The following PLA2R1 variants were observed in gnomAD, a reference collection of about 807,000 sequenced individuals.
PLA2R1 encodes phospholipase A2 receptor 1.
In PLA2R1, 158 loss-of-function variants were observed where a neutral mutation model predicts 195.9. That is an observed-to-expected ratio of 0.81 (90% CI 0.71 to 0.92). The LOEUF (loss-of-function observed/expected upper bound fraction) is 0.92, where lower values mean the gene tolerates loss of function less well. Ranked by LOEUF, PLA2R1 falls within the 40% of genes least tolerant of loss-of-function variation. PLA2R1 has a pLI of 0.00. For synonymous variants in PLA2R1, 586 were observed against 598.2 expected, an observed-to-expected ratio of 0.98 and a Z score of 0.30; for missense variants, 1,626 against 1,764.6, an observed-to-expected ratio of 0.92 and a Z score of 1.41.
At position 160,013,256 on chromosome 2, in the gene PLA2R1, A is replaced by G; in HGVS notation, c.1664+7T>C. The G allele has an allele frequency of 1.3e-6, 2 of 1,490,798 alleles. No individual in the cohort carries two copies. The highest frequency in any genetic ancestry group is 1.9e-6 in the Non-Finnish European group (2 of 1,070,644). The allele number at this position is 1,490,798 out of a possible 1,614,324, so 92.3% of individuals were successfully genotyped here. A position where few individuals can be genotyped will look rare whatever the true frequency, so the allele number is the denominator to read the frequency against. On this transcript the variant is annotated splice_region_variant and intron_variant, in intron 10 of 29. Transcript: ENST00000283243. Reference sequence around the variant, plus strand: ...GTCTTGTTTCTGTTAAAAAAAGTTTAATTTACCTGTTTGTAATGGTTACAA... The same window carrying G: ...GTCTTGTTTCTGTTAAAAAAAGTTTGATTTACCTGTTTGTAATGGTTACAA...
At chr2:160,037,287 T>C (rs1346656612) in intron 3 of PLA2R1, among the ~76,000 whole-genome samples, 1 of 152,182 alleles carries the variant, frequency 6.6e-6, no homozygotes, top group Non-Finnish European at 1.5e-5. Context: ...CTTAAAACTC[T>C]TTTGATAGCT....
chr2:160,028,095 T>G (rs1693632364), intron 6 of PLA2R1, 123 bp downstream of exon 6: 2 of 622,042 alleles, frequency 3.2e-6, no homozygotes, highest in Non-Finnish European at 5.5e-6. Context: ...TCTTTTCATA[T>G]AAATATAAAC....
At chr2:160,022,988 T>C in intron 6 of PLA2R1, 129 bp from the exon 7 acceptor site, 1 of 633,530 alleles carries the variant, frequency 1.6e-6, no homozygotes, top group Non-Finnish European at 2.7e-6. Flanking sequence ...CAAAATGACA[T>C]ATATCATGGA....
chr2:159,987,989 T>C (rs753501992), intron 11 of PLA2R1, among the ~76,000 whole-genome samples: 24 of 152,276 alleles, frequency 1.6e-4, no homozygotes, highest in South Asian at 4.1e-4. Flanking sequence ...CTTCATAGTA[T>C]ATGTGAGATA....
chr2:159,955,079 G>A (rs1428742133), intron 23 of PLA2R1, 120 bp downstream of exon 23: 1 of 701,288 alleles, frequency 1.4e-6, no homozygotes, highest in African/African-American at 1.8e-5. Flanking sequence ...AAGAAGAAGT[G>A]CCTGACACTG....
intron 3 of PLA2R1, among the ~76,000 whole-genome samples, chr2:160,036,897 C>CA (rs11459043): frequency 0.35 from 53,824 of 152,040 alleles, 11,859 homozygotes; most frequent in Non-Finnish European, 0.5. Flanking sequence ...AAAAATGGAA[C>CA]GGGGGAGGTG....
chr2:159,970,598 T>A (rs528138403), intron 17 of PLA2R1, among the ~76,000 whole-genome samples: 73 of 152,326 alleles, frequency 4.8e-4, no homozygotes, highest in African/African-American at 1.7e-3. Flanking sequence ...GTCACATGTA[T>A]TTGAAAAACA....
Position 159,983,918 on chromosome 2 carries a change from A to T in PLA2R1, c.2183+10T>A, listed in dbSNP as rs1265145510. 1 of 1,451,554 alleles carries T rather than the reference A, an allele frequency of 6.9e-7. No homozygotes were observed. The highest frequency in any genetic ancestry group is 1.2e-5 in the South Asian group (1 of 84,048). The allele number at this position is 1,451,554 out of a possible 1,614,324, so 89.9% of individuals were successfully genotyped here. On this transcript the variant is annotated intron_variant, in intron 13 of 29. Coordinates refer to ENST00000283243, the MANE Select transcript of PLA2R1 (RefSeq NM_007366.5). ...TTGACTGTAATTTTTCATAATTAAC[A>T]AGTATTTACCAATTAAATTTTGAAT...
chr2:160,025,588 C>CAAAAAAAAAAAAAA (rs56365741), intron 6 of PLA2R1, among the ~76,000 whole-genome samples: 5 of 52,870 alleles, frequency 9.5e-5, no homozygotes, highest in Non-Finnish European at 1.6e-4. Flanking sequence ...AACCATAAAG[C>CAAAAAAAAAAAAAA]AAAAAAAAAA....
intron 2 of PLA2R1, among the ~76,000 whole-genome samples, chr2:160,044,144 C>CT (rs11448444): frequency 0.83 from 125,448 of 151,240 alleles, 52,503 homozygotes; most frequent in African/African-American, 0.93. Context: ...ATGTAACTTT[C>CT]TTTTTTTTTC....
rs772712550 is a variant in PLA2R1 at position 159,955,311 on chromosome 2, G to C, written c.3189C>G (p.His1063Gln). ...PSHNTTEVQK[H>Q]IPLCALLSSN... The stretch of plus-strand genomic sequence containing the variant: ...TTGAGAGTAAGGCACAGAGAGGAAT[G>C]TGTTTCTGAACTTCAGTGGTATTGT... Residue 1063 changes from histidine to glutamine, a missense_variant, in exon 23 of 30, where the codon CAC becomes CAG. By Grantham distance (24) the His-to-Gln change is conservative. Transcript: ENST00000283243. The C allele has an allele frequency of 6.2e-7, 1 of 1,602,890 alleles. No homozygotes were observed. The highest frequency in any genetic ancestry group is 8.5e-7 in the Non-Finnish European group (1 of 1,171,284).
intron 11 of PLA2R1, among the ~76,000 whole-genome samples, chr2:159,990,196 C>T (rs1366063056): frequency 2.6e-5 from 4 of 151,922 alleles, no homozygotes; most frequent in Admixed American, 6.6e-5. Context: ...AGAGCAGAGG[C>T]GAATTTTCTT....
intron 3 of PLA2R1, among the ~76,000 whole-genome samples, chr2:160,039,949 GT>G (rs35316873): frequency 6.0e-5 from 9 of 149,360 alleles, no homozygotes; most frequent in African/African-American, 1.5e-4. Context: ...GAATATTGTA[GT>G]TTTTTTTTTG....
At chr2:159,926,220 C>T in the PLA2R1 span, among the ~76,000 whole-genome samples, 1 of 152,096 alleles carries the variant, frequency 6.6e-6, no homozygotes, top group Admixed American at 6.6e-5. Context: ...TAAGCTACCT[C>T]ATGTATTATA....
chr2:159,972,496 C>T lies in PLA2R1; in HGVS notation c.2596-2284G>A, dbSNP rs1237419036. Among the ~76,000 whole-genome samples the T allele has an allele frequency of 4.6e-5, 7 of 152,128 alleles. No homozygotes were observed. In the South Asian group the frequency reaches 1.5e-3, roughly 32 times the overall value. On this transcript the variant is annotated intron_variant, in intron 17 of 29. Transcript: ENST00000283243. ...CAGCATTTACCAAAAACAAACAAAA[C>T]CCCACAGTGACAGTCACTACATTAA...
intron 1 of PLA2R1, among the ~76,000 whole-genome samples, chr2:160,061,984 C>T (rs760010266): frequency 1.3e-5 from 2 of 152,062 alleles, no homozygotes; most frequent in South Asian, 2.1e-4. Context: ...ACTCCTATCC[C>T]GGGCTGGCTC....
At chr2:160,035,172 C>T (rs1183090604) in intron 3 of PLA2R1, among the ~76,000 whole-genome samples, 1 of 152,134 alleles carries the variant, frequency 6.6e-6, no homozygotes, top group Admixed American at 6.5e-5. Flanking sequence ...CGATACTCAG[C>T]CTGTATAAGA....
chr2:159,955,764 A>G lies in PLA2R1; in HGVS notation c.3087T>C (p.Asp1029=). 1 of 1,591,012 alleles carries G rather than the reference A, an allele frequency of 6.3e-7. No homozygotes were observed. The highest frequency in any genetic ancestry group is 1.1e-5 in the South Asian group (1 of 89,920). ...TSVWIGLQND[D]YETWLNGKPV... The stretch of plus-strand genomic sequence containing the variant: ...GCTTTCCATTTAGCCATGTTTCATA[A>G]TCATCATTTTGTAAACCTATCCACA... Residue 1029 remains aspartate, a synonymous_variant, in exon 22 of 30, where the codon GAT becomes GAC. Coordinates refer to ENST00000283243, the MANE Select transcript of PLA2R1 (RefSeq NM_007366.5).
chr2:159,995,646 T>C (rs1399683119), intron 11 of PLA2R1, among the ~76,000 whole-genome samples: 1 of 152,108 alleles, frequency 6.6e-6, no homozygotes, highest in Non-Finnish European at 1.5e-5. Flanking sequence ...TTTGGAGCTA[T>C]GGAAAGTCAC....
Sources: allele counts gnomAD v4.1 joint callset (sites outside exome capture counted in the v4.1 genomes callset), GRCh38; gene constraint gnomAD v4.1.1; transcripts MANE v1.5; gene names NCBI Gene and HGNC (gene_info 2026-07-23, HGNC 2026-07-21).